Variants in SYT13 observed in about 807,000 individuals in gnomAD.
The protein encoded by SYT13 is synaptotagmin 13.
A neutral mutation model predicts 38.6 loss-of-function variants in SYT13; 21 were observed. The observed-to-expected ratio is 0.54, with a 90% CI of 0.39 to 0.78. The LOEUF is 0.78. Among genes scored for constraint, SYT13 ranks in the 30% least tolerant of loss-of-function variants. SYT13 has a pLI of 0.00. For missense variants in SYT13, 495 were observed against 548.7 expected (o/e 0.90, Z 0.98); for synonymous variants, 241 against 237.6 (o/e 1.01, Z -0.13).
intron 4 of SYT13, among the ~76,000 whole-genome samples, chr11:45,250,529 C>T (rs1590509562): frequency 6.6e-6 from 1 of 152,170 alleles, no homozygotes; most frequent in Non-Finnish European, 1.5e-5. Flanking sequence ...GTCTCAGAGC[C>T]CAGCAGGGGA....
chr11:45,255,848 A>G lies in SYT13; in HGVS notation c.227T>C (p.Leu76Pro). The change falls in exon 2 of 6, where the codon CTC (leucine) becomes CCC (proline). Residue 76 changes from leucine (L) to proline (P), a missense_variant. By Grantham distance (98) the Leu-to-Pro change is moderately conservative (BLOSUM62 -3). Coordinates refer to ENST00000020926, the MANE Select transcript of SYT13 (RefSeq NM_020826.3). ...KSTEPVQPRA[L>P]LKFPDIYGPR... Reference sequence around the variant, plus strand: ...TCCATAGATGTCTGGGAACTTGAGGAGGGCACGGGGCTGAACAGGTTCCGT... The same window carrying G: ...TCCATAGATGTCTGGGAACTTGAGGGGGGCACGGGGCTGAACAGGTTCCGT... 6.2e-7 allele frequency: 1 copy of G among 1,614,194 alleles called. No homozygotes were observed. Among genetic ancestry groups the G allele is most frequent in the Non-Finnish European group, 8.5e-7 (1 of 1,180,034 alleles).
chr11:45,264,035 G>A (rs145942428), intron 1 of SYT13, among the ~76,000 whole-genome samples: 1 of 152,200 alleles, frequency 6.6e-6, no homozygotes, highest in East Asian at 1.9e-4. Flanking sequence ...AAAAAGTGGG[G>A]TTTGTGTGTA....
At chr11:45,254,538 G>C (rs1854719392) in intron 2 of SYT13, 134 bp from the exon 3 acceptor site, 1 of 1,286,456 alleles carries the variant, frequency 7.8e-7, no homozygotes, top group Admixed American at 2.7e-5. Flanking sequence ...AATCACAGTG[G>C]CCACACCAAG....
chr11:45,245,735 G>A (rs747961118), intron 5 of SYT13, among the ~76,000 whole-genome samples: 60 of 152,346 alleles, frequency 3.9e-4, no homozygotes, highest in South Asian at 1.5e-3. Flanking sequence ...GAAAAACTGA[G>A]GCTTCCAGGG....
intron 1 of SYT13, among the ~76,000 whole-genome samples, chr11:45,258,168 C>T (rs1854771467): frequency 6.6e-6 from 1 of 152,216 alleles, no homozygotes; most frequent in South Asian, 2.1e-4. Flanking sequence ...GGCCCAAAGC[C>T]CACTGCCCCC....
At chr11:45,257,321 A>G (rs1050842227) in intron 1 of SYT13, among the ~76,000 whole-genome samples, 3 of 152,130 alleles carry the variant, frequency 2.0e-5, no homozygotes, top group African/African-American at 7.2e-5. Context: ...GGCCAGGTCT[A>G]GAGCTTAAAC....
At chr11:45,274,298 C>G (rs748127476) in intron 1 of SYT13, among the ~76,000 whole-genome samples, 1 of 152,156 alleles carries the variant, frequency 6.6e-6, no homozygotes, top group Non-Finnish European at 1.5e-5. Context: ...CCTTTCTGTT[C>G]TTTGTCTCTA....
At chr11:45,272,202 G>A (rs1164229464) in intron 1 of SYT13, among the ~76,000 whole-genome samples, 1 of 152,146 alleles carries the variant, frequency 6.6e-6, no homozygotes, top group Admixed American at 6.5e-5. Flanking sequence ...TCAGGGGTGG[G>A]GTGGTTGGGG....
chr11:45,264,291 T>C (rs903694138), intron 1 of SYT13, among the ~76,000 whole-genome samples: 1 of 152,198 alleles, frequency 6.6e-6, no homozygotes, highest in Non-Finnish European at 1.5e-5. Context: ...TATAATCCCC[T>C]GTCCTTGAGT....
chr11:45,248,477 T>C (rs1024507455), intron 4 of SYT13, among the ~76,000 whole-genome samples: 6 of 152,222 alleles, frequency 3.9e-5, no homozygotes, highest in Non-Finnish European at 7.3e-5. Flanking sequence ...CCAGAGGTCA[T>C]GTAGGCAGGA....
intron 1 of SYT13, among the ~76,000 whole-genome samples, chr11:45,283,201 A>T (rs1313354065): frequency 2.6e-5 from 4 of 152,140 alleles, no homozygotes; most frequent in Non-Finnish European, 5.9e-5. Context: ...AAATCACTAC[A>T]AACTTCAACT....
intron 1 of SYT13, among the ~76,000 whole-genome samples, chr11:45,263,572 G>T (rs923743941): frequency 5.9e-5 from 9 of 152,178 alleles, no homozygotes; most frequent in African/African-American, 2.2e-4. Context: ...TGAGCATCCA[G>T]TATTCAGATG....
intron 1 of SYT13, chr11:45,269,565 T>G: frequency 1.1e-6 from 1 of 927,580 alleles, no homozygotes; most frequent in Non-Finnish European, 1.5e-6. Flanking sequence ...TATAGATAAG[T>G]GCCTAATATT....
intron 1 of SYT13, among the ~76,000 whole-genome samples, chr11:45,271,613 A>C (rs1394114229): frequency 6.6e-6 from 1 of 152,210 alleles, no homozygotes; most frequent in East Asian, 1.9e-4. Flanking sequence ...TCTTATAAAC[A>C]ATGGAGAAAC....
In SYT13 at chr11:45,286,050, G is replaced by C; in HGVS notation, c.158C>G (p.Pro53Arg). ...DQDPDLEKAK[P>R]SLLGSAQQFN... is the part of the protein sequence containing the mutation. ...CTGTTGTGCAGACCCGAGCAAGCTG[G>C]GCTTCGCCTTCTCCAGGTCGGGGTC... The change falls in exon 1 of 6, where the codon CCC becomes CGC. Residue 53 changes from proline (P) to arginine (R), a missense_variant. By Grantham distance (103) the Pro-to-Arg change is moderately radical. Coordinates refer to ENST00000020926, the MANE Select transcript of SYT13 (RefSeq NM_020826.3). The C allele has an allele frequency of 6.2e-7, 1 of 1,609,316 alleles. No individual in the cohort carries two copies.
intron 4 of SYT13, among the ~76,000 whole-genome samples, chr11:45,251,502 G>A (rs1428157796): frequency 6.6e-6 from 1 of 151,876 alleles, no homozygotes; most frequent in Non-Finnish European, 1.5e-5. Context: ...ACCTATTTGG[G>A]GCTATGCAGG....
chr11:45,253,099 C>T (rs1404195143), intron 3 of SYT13, among the ~76,000 whole-genome samples: 2 of 152,152 alleles, frequency 1.3e-5, no homozygotes, highest in African/African-American at 2.4e-5. Context: ...ACCACATAAC[C>T]ATTTTCCATG....
At chr11:45,246,253 T>C (rs1854612680) in intron 5 of SYT13, 130 bp downstream of exon 5, 2 of 1,321,678 alleles carry the variant, frequency 1.5e-6, no homozygotes, top group Non-Finnish European at 2.1e-6. Context: ...CCGCTGAGCA[T>C]GGCTCCGTAG....
intron 1 of SYT13, among the ~76,000 whole-genome samples, chr11:45,265,667 C>T (rs1278718938): frequency 2.0e-5 from 3 of 152,112 alleles, no homozygotes; most frequent in African/African-American, 2.4e-5. Context: ...TCTTCAAGGG[C>T]ACTAATCCCA....
Sources: gnomAD v4.1 joint callset for allele counts (sites outside exome capture counted in the v4.1 genomes callset) on GRCh38, gnomAD v4.1.1 for gene constraint, MANE v1.5 for transcripts, NCBI Gene and HGNC (gene_info 2026-07-23, HGNC 2026-07-21) for gene names.